The following GSDME variants were observed in gnomAD, a reference collection of about 807,000 sequenced individuals.
GSDME encodes the protein gasdermin E.
GSDME carries 44 observed loss-of-function variants against 47.5 expected under a neutral mutation model. The observed-to-expected ratio is 0.93, with a 90% confidence interval of 0.73 to 1.19. GSDME has a LOEUF of 1.19. GSDME is among the 50% of genes most tolerant of loss of function. GSDME has a pLI of 0.00. For missense variants in GSDME, 663 were observed against 604.2 expected (o/e 1.10, Z -1.02); for synonymous variants, 258 against 252.8 (o/e 1.02, Z -0.20).
Position 24,739,555 on chromosome 7 carries a change from T to C in GSDME, c.404+5007A>G, listed in dbSNP as rs1403545038. Reference sequence around the variant, plus strand: ...GAATGTAATGCAAATTACTACACTATGAAGAACAGTTTGGAGATTCCTCAA... The same window carrying C: ...GAATGTAATGCAAATTACTACACTACGAAGAACAGTTTGGAGATTCCTCAA... On this transcript the variant is annotated intron_variant, in intron 3 of 9. Coordinates refer to ENST00000645220, the MANE Select transcript of GSDME (RefSeq NM_001127453.2). The surrounding 1 kb of genome is among the most constrained non-coding windows in gnomAD (Gnocchi z 5.1). Among the ~76,000 whole-genome samples the C allele has an allele frequency of 6.6e-6, 1 of 152,216 alleles. No homozygotes were observed. The highest frequency in any genetic ancestry group is 6.5e-5 in the Admixed American group (1 of 15,290).
At chr7:24,711,349 C>T (rs774237747) in intron 5 of GSDME, among the ~76,000 whole-genome samples, 11 of 151,978 alleles carry the variant, frequency 7.2e-5, no homozygotes, top group African/African-American at 2.2e-4. Context: ...CTCACCCTCC[C>T]GAGTAGCTGG....
rs191012641 is a variant in GSDME at position 24,712,789 on chromosome 7, C to T, written c.698-2401G>A. Among the ~76,000 whole-genome samples the T allele has an allele frequency of 5.3e-5, 8 of 152,290 alleles. No homozygotes were observed. Among genetic ancestry groups the T allele is most frequent in the Non-Finnish European group, 7.4e-5 (5 of 68,016 alleles). On this transcript the variant is annotated intron_variant, in intron 5 of 9. Coordinates refer to ENST00000645220, the MANE Select transcript of GSDME (RefSeq NM_001127453.2). The surrounding 1 kb of genome is among the most constrained non-coding windows in gnomAD (Gnocchi z 4.4). ...ATCCTAACACTTTGGGAGGTCGAGG[C>T]GGGCGGATCACCTGAGGTCAGGAGT...
At chr7:24,766,757 TA>T in the GSDME span, among the ~76,000 whole-genome samples, 1 of 152,246 alleles carries the variant, frequency 6.6e-6, no homozygotes, top group African/African-American at 2.4e-5. This position sits in a 1 kb window ranked among gnomAD's most constrained non-coding sequence, Gnocchi z 4.2. Context: ...AGTGCCACAG[TA>T]AACATACGTG....
chr7:24,781,636 G>A, the GSDME span, among the ~76,000 whole-genome samples: 1 of 150,452 alleles, frequency 6.6e-6, no homozygotes, highest in Non-Finnish European at 1.5e-5. Flanking sequence ...TGTTTATGTG[G>A]ATTAAATCTA....
Position 24,741,487 on chromosome 7 carries a change from G to C in GSDME, c.404+3075C>G, listed in dbSNP as rs1790490324. The stretch of plus-strand genomic sequence containing the variant: ...AGGGGTCAGCTCCAGGTATCCGGAA[G>C]GTTAATTTCTGTGGAATGCCTTCCT... On this transcript the variant is annotated intron_variant, in intron 3 of 9. Coordinates refer to ENST00000645220, the MANE Select transcript of GSDME (RefSeq NM_001127453.2). Among the ~76,000 whole-genome samples the C allele has an allele frequency of 2.0e-5, 3 of 152,236 alleles. No homozygotes were observed. The South Asian group carries it at 6.2e-4, about 32-fold the overall frequency.
chr7:24,781,831 A>T, the GSDME span, among the ~76,000 whole-genome samples: 1 of 152,100 alleles, frequency 6.6e-6, no homozygotes, highest in South Asian at 2.1e-4. Flanking sequence ...ATGGTCTTGA[A>T]TTCCTGGGCT....
chr7:24,699,052 A>C lies in GSDME; in HGVS notation c.1465T>G (p.Cys489Gly). Residue 489 changes from cysteine (C) to glycine (G), a missense_variant, in exon 10 of 10, where the codon TGT (cysteine) becomes GGT (glycine). Coordinates refer to ENST00000645220, the MANE Select transcript of GSDME (RefSeq NM_001127453.2). ...CATGAATGTTCTCTGCCTAAAGCAC[A>C]GAGTCCATTCAGGGTTATACAAAGA... The part of the protein sequence containing the change: ...LLLCITLNGL[C>G]ALGREHS The C allele has an allele frequency of 6.2e-7, 1 of 1,613,662 alleles. No individual in the cohort carries two copies. The highest frequency in any genetic ancestry group is 8.5e-7 in the Non-Finnish European group (1 of 1,179,538).
Position 24,744,502 on chromosome 7 carries a change from C to A in GSDME, c.404+60G>T. 6.3e-7 allele frequency: 1 copy of A among 1,577,918 alleles called. No homozygotes were observed. Among genetic ancestry groups the A allele is most frequent in the Non-Finnish European group, 8.7e-7 (1 of 1,148,370 alleles). On this transcript the variant is annotated intron_variant, in intron 3 of 9. Coordinates refer to ENST00000645220, the MANE Select transcript of GSDME (RefSeq NM_001127453.2). The surrounding 1 kb of genome is among the most constrained non-coding windows in gnomAD (Gnocchi z 4.5). The stretch of plus-strand genomic sequence containing the variant: ...TGTCGCCCTTTTAACAAAGGTCCAA[C>A]TGAATGACCTTTAAATGTGAGATGT...
chr7:24,772,052 C>G, the GSDME span, among the ~76,000 whole-genome samples: 1 of 152,224 alleles, frequency 6.6e-6, no homozygotes, highest in Non-Finnish European at 1.5e-5. The surrounding 1 kb of genome is among the most constrained non-coding windows in gnomAD (Gnocchi z 4.5). Context: ...GTGACACGAG[C>G]TTTGGGTATC....
At chr7:24,787,543 G>T in the GSDME span, among the ~76,000 whole-genome samples, 3 of 152,120 alleles carry the variant, frequency 2.0e-5, no homozygotes, top group Non-Finnish European at 4.4e-5. The surrounding 1 kb of genome is among the most constrained non-coding windows in gnomAD (Gnocchi z 5.0). Context: ...CCAAATCTGA[G>T]AATCACTGCT....
intron 1 of GSDME, among the ~76,000 whole-genome samples, chr7:24,751,989 T>C (rs886894353): frequency 5.9e-5 from 9 of 152,216 alleles, no homozygotes; most frequent in Non-Finnish European, 1.2e-4. Flanking sequence ...AGAGGCATAC[T>C]GTCACAGAAG....
chr7:24,777,121 T>C, the GSDME span, among the ~76,000 whole-genome samples: 1 of 152,196 alleles, frequency 6.6e-6, no homozygotes, highest in South Asian at 2.1e-4. Context: ...CCATTAAAAA[T>C]ATATGAATTC....
the GSDME span, among the ~76,000 whole-genome samples, chr7:24,770,438 A>G: frequency 6.6e-6 from 1 of 152,162 alleles, no homozygotes; most frequent in African/African-American, 2.4e-5. This position sits in a 1 kb window ranked among gnomAD's most constrained non-coding sequence, Gnocchi z 4.6. Context: ...GAATTATTGA[A>G]CCTGAGGAGA....
chr7:24,721,720 T>G lies in GSDME; in HGVS notation c.405-2502A>C, dbSNP rs1188277446. Among the ~76,000 whole-genome samples the G allele has an allele frequency of 6.6e-6, 1 of 152,208 alleles. No homozygotes were observed. The highest frequency in any genetic ancestry group is 1.5e-5 in the Non-Finnish European group (1 of 68,040). On this transcript the variant is annotated intron_variant, in intron 3 of 9. Transcript: ENST00000645220. The surrounding 1 kb of genome is among the most constrained non-coding windows in gnomAD (Gnocchi z 4.1). ...GCCCTGCATGGGAATTATGGGGCAC[T>G]GAATTGAATCAGAGGTACGTTTCCA...
At chr7:24,749,847 T>C in intron 1 of GSDME, 54 bp from the exon 2 acceptor site, 1 of 1,242,260 alleles carries the variant, frequency 8.0e-7, no homozygotes, top group Non-Finnish European at 1.2e-6. Context: ...TTTTGTGGCT[T>C]TTTTCCCTAA....
Position 24,714,042 on chromosome 7 carries a change from G to A in GSDME, c.697+3212C>T, listed in dbSNP as rs183980447. On this transcript the variant is annotated intron_variant, in intron 5 of 9. Coordinates refer to ENST00000645220, the MANE Select transcript of GSDME (RefSeq NM_001127453.2). The surrounding 1 kb of genome is among the most constrained non-coding windows in gnomAD (Gnocchi z 5.0). ...GATTCAGGTGCAGCGTGGGAAACAGGTTCACGCCCACAAGGCATCCAACTG... is the reference window on the plus strand; with the variant it reads ...GATTCAGGTGCAGCGTGGGAAACAGATTCACGCCCACAAGGCATCCAACTG... Among the ~76,000 whole-genome samples the A allele has an allele frequency of 3.3e-5, 5 of 152,354 alleles. No individual in the cohort carries two copies. In the South Asian group the frequency reaches 6.2e-4, roughly 19 times the overall value.
chr7:24,746,497 A>C (rs1357848163), intron 2 of GSDME, among the ~76,000 whole-genome samples: 2 of 152,294 alleles, frequency 1.3e-5, no homozygotes, highest in East Asian at 3.9e-4. Flanking sequence ...CAAAGGCTCA[A>C]TCTCTCCACT....
intron 7 of GSDME, chr7:24,707,419 CCTT>C (rs774713679): frequency 6.4e-5 from 30 of 471,656 alleles, no homozygotes; most frequent in South Asian, 3.6e-4. Context: ...CCCAGGATAT[CCTT>C]CTGCTGCAAA....
intron 3 of GSDME, among the ~76,000 whole-genome samples, chr7:24,734,375 G>A (rs1234766061): frequency 2.6e-5 from 4 of 152,180 alleles, no homozygotes; most frequent in Admixed American, 2.6e-4. Flanking sequence ...AATCTTCAAA[G>A]CCCAGATACT....
Sources: allele counts gnomAD v4.1 joint callset (sites outside exome capture counted in the v4.1 genomes callset), GRCh38; gene constraint gnomAD v4.1.1; non-coding constraint Gnocchi (gnomAD v3.1); transcripts MANE v1.5; gene names NCBI Gene and HGNC (gene_info 2026-07-23, HGNC 2026-07-21).